Variants in PMF1 observed in about 807,000 individuals in gnomAD.
PMF1 encodes the protein polyamine modulated factor 1.
In PMF1, 21 loss-of-function variants were observed where a neutral mutation model predicts 26.7. That is an observed-to-expected ratio of 0.79 (90% CI 0.56 to 1.13). The LOEUF (loss-of-function observed/expected upper bound fraction) is 1.13. Among genes scored for constraint, PMF1 ranks in the 50% most tolerant of loss-of-function variants. The probability of loss-of-function intolerance (pLI) is 0.00; values close to 1 mark genes in which losing one functional copy is unlikely to be tolerated. For synonymous variants in PMF1, 105 were observed against 101.0 expected (o/e 1.04, Z -0.24); for missense variants, 266 against 254.9 (o/e 1.04, Z -0.30).
At chr1:156,222,485 C>T (rs922624471) in intron 1 of PMF1, among the ~76,000 whole-genome samples, 3 of 152,132 alleles carry the variant, frequency 2.0e-5, no homozygotes, top group Non-Finnish European at 4.4e-5. Context: ...CAGGTTCAAG[C>T]GATTCTGCCG....
At chr1:156,213,874 A>G (rs1033472906) in intron 1 of PMF1, among the ~76,000 whole-genome samples, 2 of 152,138 alleles carry the variant, frequency 1.3e-5, no homozygotes, top group Non-Finnish European at 2.9e-5. Context: ...TGTTACCATG[A>G]AAAGAAACAT....
chr1:156,215,546 T>G (rs999650661), intron 1 of PMF1, among the ~76,000 whole-genome samples: 7 of 151,928 alleles, frequency 4.6e-5, no homozygotes, highest in Non-Finnish European at 8.8e-5. Flanking sequence ...CCCCATTTAT[T>G]TATTTATTTA....
chr1:156,226,451 G>C (rs531323590), intron 1 of PMF1, among the ~76,000 whole-genome samples: 2 of 152,334 alleles, frequency 1.3e-5, no homozygotes, highest in East Asian at 3.9e-4. Context: ...GTTGGTTTCT[G>C]CATGTGCAAT....
At chr1:156,225,301 T>TA (rs1477185114) in intron 1 of PMF1, among the ~76,000 whole-genome samples, 1 of 144,922 alleles carries the variant, frequency 6.9e-6, no homozygotes, top group Non-Finnish European at 1.5e-5. Flanking sequence ...TTTTTTTTTT[T>TA]TTTTTTTAAT....
At chr1:156,215,219 A>C (rs533049619) in intron 1 of PMF1, among the ~76,000 whole-genome samples, 1 of 152,138 alleles carries the variant, frequency 6.6e-6, no homozygotes, top group East Asian at 1.9e-4. Context: ...GTATAGGAAA[A>C]GGGGACAGCC....
At chr1:156,235,472 C>G (rs767226884) in intron 3 of PMF1, among the ~76,000 whole-genome samples, 2 of 120,912 alleles carry the variant, frequency 1.7e-5, no homozygotes, top group Non-Finnish European at 3.3e-5. Context: ...GACAGAGTCT[C>G]GCTCTGTCTC....
At chr1:156,222,872 T>C (rs976415926) in intron 1 of PMF1, among the ~76,000 whole-genome samples, 3 of 152,210 alleles carry the variant, frequency 2.0e-5, no homozygotes, top group Non-Finnish European at 2.9e-5. Flanking sequence ...TCTTCTGGCC[T>C]GGGATATGCC....
intron 1 of PMF1, among the ~76,000 whole-genome samples, chr1:156,218,041 T>C (rs926675498): frequency 1.3e-5 from 2 of 152,264 alleles, no homozygotes; most frequent in African/African-American, 4.8e-5. Flanking sequence ...CACTGGGTTT[T>C]TTACCATTCT....
At chr1:156,239,365 C>T (rs182978747) in intron 4 of PMF1, among the ~76,000 whole-genome samples, 183 bp from the exon 5 acceptor site, 24 of 152,260 alleles carry the variant, frequency 1.6e-4, no homozygotes, top group African/African-American at 1.4e-4. Context: ...AAATACTTGC[C>T]GAATGGTGGG....
At chr1:156,232,256 A>G (rs963084290) in intron 1 of PMF1, 64 bp from the exon 2 acceptor site, 22 of 1,470,986 alleles carry the variant, frequency 1.5e-5, no homozygotes, top group African/African-American at 8.4e-5. Flanking sequence ...GGAGGTACCC[A>G]GGCAGGCTGA....
chr1:156,234,518 A>C (rs541325266), intron 3 of PMF1, among the ~76,000 whole-genome samples: 3 of 149,108 alleles, frequency 2.0e-5, no homozygotes, highest in Non-Finnish European at 4.5e-5. Flanking sequence ...TTTTTTTTCT[A>C]TTTTTTTTAA....
intron 1 of PMF1, among the ~76,000 whole-genome samples, chr1:156,221,577 C>T (rs749890335): frequency 1.6e-4 from 25 of 152,170 alleles, no homozygotes; most frequent in Non-Finnish European, 2.4e-4. Context: ...TCACTCATCA[C>T]GGTGCCTGGT....
chr1:156,236,770 C>T (rs1659042086), intron 4 of PMF1: 2 of 448,622 alleles, frequency 4.5e-6, no homozygotes, highest in Non-Finnish European at 4.0e-6. Flanking sequence ...CCCAAGGTAA[C>T]AGCGCCTCCA....
chr1:156,225,616 C>G, intron 1 of PMF1: 1 of 1,564,720 alleles, frequency 6.4e-7, no homozygotes, highest in Non-Finnish European at 8.7e-7. Flanking sequence ...GGTGGACAGT[C>G]TGTGAAACAG....
At chr1:156,239,416 C>T (rs1659224558) in intron 4 of PMF1, 132 bp from the exon 5 acceptor site, 1 of 699,248 alleles carries the variant, frequency 1.4e-6, no homozygotes, top group South Asian at 1.8e-5. Context: ...CTCTGCAGGG[C>T]CCATGACTTA....
chr1:156,213,184 G>T lies in PMF1; in HGVS notation c.161+8G>T. 2 of 1,611,900 alleles carry T rather than the reference G, an allele frequency of 1.2e-6. No homozygotes were observed. Among genetic ancestry groups the T allele is most frequent in the South Asian group, 2.2e-5 (2 of 91,040 alleles). On this transcript the variant is annotated splice_region_variant and intron_variant, in intron 1 of 4. Coordinates refer to ENST00000368277, the MANE Select transcript of PMF1 (RefSeq NM_007221.4). ...GCTGGTCGCCGCCGGCAGGTAAAGT[G>T]GACGCAGCCGCGGTGGGAGTGTTTG...
At chr1:156,219,005 C>T (rs1487976332) in intron 1 of PMF1, among the ~76,000 whole-genome samples, 2 of 151,570 alleles carry the variant, frequency 1.3e-5, no homozygotes, top group African/African-American at 2.4e-5. Context: ...ACTGCAGCCT[C>T]CTCCCAGGTT....
intron 1 of PMF1, among the ~76,000 whole-genome samples, chr1:156,224,900 A>AT (rs34315812): frequency 0.34 from 51,210 of 148,606 alleles, 8,901 homozygotes; most frequent in African/African-American, 0.41. Context: ...CAAATGGAGA[A>AT]TTTTTTTTTT....
intron 1 of PMF1, among the ~76,000 whole-genome samples, chr1:156,222,177 AC>A (rs1658119851): frequency 6.6e-6 from 1 of 152,180 alleles, no homozygotes; most frequent in Non-Finnish European, 1.5e-5. Context: ...CAGCGCATGC[AC>A]ACCTGAGTGC....
Sources: allele counts gnomAD v4.1 joint callset (sites outside exome capture counted in the v4.1 genomes callset), GRCh38; gene constraint gnomAD v4.1.1; transcripts MANE v1.5; gene names NCBI Gene and HGNC (gene_info 2026-07-23, HGNC 2026-07-21).